Variants in GNG7 observed in about 807,000 individuals in gnomAD.
GNG7 encodes the protein G protein subunit gamma 7, also known as guanine nucleotide-binding protein G(I)/G(S)/G(O) subunit gamma-7.
In GNG7, 1 loss-of-function variant was observed where a neutral mutation model predicts 4.0. The ratio of observed to expected loss-of-function variants is 0.25; its 90% CI spans 0.09 to 1.18. GNG7 has a LOEUF of 1.18. GNG7 is among the 50% of genes most tolerant of loss of function. GNG7 has a pLI of 0.50. For missense variants in GNG7, 86 were observed against 91.9 expected, an observed-to-expected ratio of 0.94 and a Z score of 0.26; for synonymous variants, 34 against 36.9, an observed-to-expected ratio of 0.92 and a Z score of 0.29.
At chr19:2,664,691 C>T (rs768227933) in intron 1 of GNG7, among the ~76,000 whole-genome samples, 5 of 152,292 alleles carry the variant, frequency 3.3e-5, no homozygotes, top group East Asian at 1.9e-4. Flanking sequence ...TCTGCCCCAT[C>T]GGGAATCTAT....
intron 3 of GNG7, among the ~76,000 whole-genome samples, chr19:2,554,525 G>C (rs543885524): frequency 2.7e-5 from 4 of 145,852 alleles, no homozygotes; most frequent in African/African-American, 1.0e-4. Flanking sequence ...AGGTATATGT[G>C]TGTATAAAAT....
chr19:2,538,631 T>TA, intron 3 of GNG7: 2 of 437,890 alleles, frequency 4.6e-6, no homozygotes, highest in Non-Finnish European at 9.1e-6. Flanking sequence ...ACCCTGTCTT[T>TA]AAAAAAACAC....
At chr19:2,683,183 G>A (rs375968932) in intron 1 of GNG7, among the ~76,000 whole-genome samples, 298 of 152,008 alleles carry the variant, frequency 2.0e-3, no homozygotes, top group Middle Eastern at 6.8e-3. Context: ...AGGTTGCAGT[G>A]AGCCGAGATT....
At position 2,515,111 on chromosome 19, in the gene GNG7, C is replaced by T. The variant is rs775435553; in HGVS notation, c.118G>A (p.Glu40Lys). 3 of 1,613,884 alleles carry T rather than the reference C, an allele frequency of 1.9e-6. No homozygotes were observed. The highest frequency in any genetic ancestry group is 2.5e-6 in the Non-Finnish European group (3 of 1,179,968). The change falls in exon 5 of 5, where the codon GAG (glutamate) becomes AAG (lysine). Residue 40 changes from glutamate to lysine, a missense_variant. Coordinates refer to ENST00000382159, the MANE Select transcript of GNG7 (RefSeq NM_052847.3). ...KAASDLMSYC[E>K]QHARNDPLLV... The stretch of plus-strand genomic sequence containing the variant: ...AGGGGGTCGTTCCGGGCATGTTGCT[C>T]ACAGTAGCTCATGAGGTCAGACGCC...
At chr19:2,690,750 C>G (rs763823974) in intron 1 of GNG7, among the ~76,000 whole-genome samples, 1 of 152,124 alleles carries the variant, frequency 6.6e-6, no homozygotes, top group Non-Finnish European at 1.5e-5. Flanking sequence ...CGCACCACCA[C>G]GCCCAACTAA....
At chr19:2,548,979 C>A (rs551556621) in intron 3 of GNG7, among the ~76,000 whole-genome samples, 113 of 152,272 alleles carry the variant, frequency 7.4e-4, no homozygotes, top group African/African-American at 2.6e-3. Context: ...GCTGGGCAGG[C>A]TGAGGCCACC....
chr19:2,532,137 C>T (rs571250068), intron 3 of GNG7, among the ~76,000 whole-genome samples: 6 of 135,942 alleles, frequency 4.4e-5, no homozygotes, highest in Non-Finnish European at 6.1e-5. Context: ...GGCAAAAGAA[C>T]GAGACTCCGT....
chr19:2,539,686 A>AC (rs1160488560), intron 3 of GNG7, among the ~76,000 whole-genome samples: 1 of 151,842 alleles, frequency 6.6e-6, no homozygotes, highest in Non-Finnish European at 1.5e-5. Flanking sequence ...CCCTGAATGG[A>AC]CCTCTGTGCT....
At chr19:2,639,211 A>G (rs4807309) in intron 2 of GNG7, among the ~76,000 whole-genome samples, 131,953 of 151,370 alleles carry the variant, frequency 0.87, 57,712 homozygotes, top group East Asian at 0.98. Context: ...TCCAGCCTGG[A>G]CAACAGAGTG....
intron 3 of GNG7, among the ~76,000 whole-genome samples, chr19:2,547,970 C>T (rs1255943268): frequency 6.6e-6 from 1 of 152,188 alleles, no homozygotes; most frequent in African/African-American, 2.4e-5. Flanking sequence ...AAGGATGGAC[C>T]TCGAGCCTGG....
At chr19:2,532,353 C>A (rs974939525) in intron 3 of GNG7, among the ~76,000 whole-genome samples, 2 of 152,036 alleles carry the variant, frequency 1.3e-5, no homozygotes, top group Admixed American at 1.3e-4. Context: ...ATGACAATAT[C>A]TGAAAAGTAA....
chr19:2,564,798 G>A (rs540962038), intron 2 of GNG7, among the ~76,000 whole-genome samples: 2 of 152,174 alleles, frequency 1.3e-5, no homozygotes, highest in Admixed American at 6.5e-5. Flanking sequence ...AAAAGTAGGA[G>A]AGGAGACTGT....
chr19:2,520,775 G>A (rs759515987), intron 3 of GNG7, 50 bp from the exon 4 acceptor site: 5 of 818,046 alleles, frequency 6.1e-6, no homozygotes, highest in Middle Eastern at 4.7e-4. Context: ...CAGGCCTCTG[G>A]GTGGCAGCAG....
At chr19:2,573,976 C>T (rs954470786) in intron 2 of GNG7, among the ~76,000 whole-genome samples, 1 of 152,228 alleles carries the variant, frequency 6.6e-6, no homozygotes, top group Non-Finnish European at 1.5e-5. Context: ...GTGCCACGGA[C>T]CAGCTGCTGC....
intron 1 of GNG7, among the ~76,000 whole-genome samples, chr19:2,680,222 AC>A (rs1335650374): frequency 7.1e-6 from 1 of 141,260 alleles, no homozygotes; most frequent in Non-Finnish European, 1.5e-5. Flanking sequence ...ATCTCGGCTC[AC>A]CACAACCTCC....
At chr19:2,531,534 G>C (rs369224718) in intron 3 of GNG7, among the ~76,000 whole-genome samples, 3 of 151,976 alleles carry the variant, frequency 2.0e-5, no homozygotes, top group Non-Finnish European at 2.9e-5. Flanking sequence ...CCGCAATACA[G>C]GCCGGGCGCG....
At chr19:2,672,419 G>C (rs1983478200) in intron 1 of GNG7, among the ~76,000 whole-genome samples, 1 of 151,530 alleles carries the variant, frequency 6.6e-6, no homozygotes, top group African/African-American at 2.4e-5. Flanking sequence ...GCCTCCCAAA[G>C]TGTTGGAATT....
chr19:2,528,442 G>C (rs1246916600), intron 3 of GNG7, among the ~76,000 whole-genome samples: 1 of 151,096 alleles, frequency 6.6e-6, no homozygotes, highest in African/African-American at 2.4e-5. Flanking sequence ...AATTAGCCGG[G>C]CATGGCGGCG....
chr19:2,514,075 TA>T lies in GNG7; in HGVS notation c.*946del, dbSNP rs1479536247. 6.6e-6 allele frequency: 1 copy of T among 152,216 alleles called. No individual in the cohort carries two copies. Among genetic ancestry groups the T allele is most frequent in the Non-Finnish European group, 1.5e-5 (1 of 68,200 alleles). 9.4% of individuals were successfully genotyped at this position (152,216 alleles called of 1,614,324 possible). The stretch of plus-strand genomic sequence containing the variant: ...AGCCGGGCGTAGTGGCACACGCCTG[TA>T]GTCTCAGCTACTCGGGAGGCTGAGG... On this transcript the variant is annotated 3_prime_UTR_variant, in exon 5 of 5. Transcript: ENST00000382159.
Sources: gnomAD v4.1 joint callset for allele counts (sites outside exome capture counted in the v4.1 genomes callset) on GRCh38, gnomAD v4.1.1 for gene constraint, MANE v1.5 for transcripts, NCBI Gene and HGNC (gene_info 2026-07-23, HGNC 2026-07-21) for gene names.